Variants in ZDHHC11B observed in about 807,000 individuals in gnomAD.
ZDHHC11B encodes the protein zDHHC palmitoyltransferase 11B (putative).
Under a neutral mutation model 42.3 loss-of-function variants are expected in ZDHHC11B, and 17 were observed. The observed-to-expected ratio is 0.40, with a 90% CI of 0.27 to 0.60. The LOEUF is 0.60. Among genes scored for constraint, ZDHHC11B ranks in the 20% least tolerant of loss-of-function variants. The pLI, the probability that ZDHHC11B is intolerant of heterozygous loss-of-function variation, is 0.41. For synonymous variants in ZDHHC11B, 123 were observed against 193.5 expected, an observed-to-expected ratio of 0.64 and a Z score of 3.02; for missense variants, 262 against 463.2, an observed-to-expected ratio of 0.57 and a Z score of 3.99.
Position 724,228 on chromosome 5 carries a change from C to T in ZDHHC11B, c.1058+6206G>A, listed in dbSNP as rs1455939985. Among the ~76,000 whole-genome samples the T allele has an allele frequency of 4.4e-4, 65 of 148,546 alleles. 1 individual carries two copies. Among genetic ancestry groups the T allele is most frequent in the African/African-American group, 1.3e-3 (53 of 39,970 alleles). On this transcript the variant is annotated intron_variant, in intron 12 of 13. Transcript: ENST00000508859. ...TTTTATTTATTTATTTATTTTGAGA[C>T]ATAGTCTCACTCTGTCACCCAGGCT...
At chr5:742,312 T>C (rs1302862442) in intron 9 of ZDHHC11B, among the ~76,000 whole-genome samples, 3 of 146,266 alleles carry the variant, frequency 2.1e-5, no homozygotes, top group African/African-American at 7.5e-5. Context: ...CTGGGTTTTC[T>C]GTTTGTTTAT....
At chr5:743,651 A>T (rs1744415610) in intron 9 of ZDHHC11B, among the ~76,000 whole-genome samples, 1 of 149,668 alleles carries the variant, frequency 6.7e-6, no homozygotes, top group Non-Finnish European at 1.5e-5. Flanking sequence ...TTCTTTTTTC[A>T]TTAGATTATG....
chr5:770,263 C>G (rs1168408913), intron 1 of ZDHHC11B, among the ~76,000 whole-genome samples: 1 of 150,258 alleles, frequency 6.7e-6, no homozygotes, highest in African/African-American at 2.4e-5. Context: ...GGGCGTGAGG[C>G]CCCTCAGACC....
At chr5:723,435 A>G (rs1742338164) in intron 12 of ZDHHC11B, among the ~76,000 whole-genome samples, 1 of 123,520 alleles carries the variant, frequency 8.1e-6, no homozygotes. Context: ...AGATTATAGA[A>G]CCAGCAGCAT....
At chr5:732,500 T>C in intron 11 of ZDHHC11B, 1 of 335,590 alleles carries the variant, frequency 3.0e-6, no homozygotes, top group Non-Finnish European at 6.1e-6. Flanking sequence ...GGCTGGGGGC[T>C]CGATTGGTTT....
Position 760,501 on chromosome 5 carries a change from G to A in ZDHHC11B, c.223-4357C>T, listed in dbSNP as rs183177357. 2.6e-5 allele frequency among the ~76,000 whole-genome samples: 4 copies of A among 151,692 alleles called. No homozygotes were observed. In the East Asian group the frequency reaches 7.7e-4, roughly 29 times the overall value. On this transcript the variant is annotated intron_variant, in intron 4 of 13. Coordinates refer to ENST00000508859, the MANE Select transcript of ZDHHC11B (RefSeq NM_001351303.2). ...GCCAGCACCCGATTCCAGACCCCGGGCCCCAGAACTGTGAGACCAGATATG... is the reference window on the plus strand; with the variant it reads ...GCCAGCACCCGATTCCAGACCCCGGACCCCAGAACTGTGAGACCAGATATG...
chr5:724,158 T>C (rs1243640783), intron 12 of ZDHHC11B, among the ~76,000 whole-genome samples: 1 of 151,548 alleles, frequency 6.6e-6, no homozygotes, highest in African/African-American at 2.4e-5. Context: ...TCAGTTCCCC[T>C]TGGACGTCTG....
At chr5:780,519 G>C (rs467451) in intron 1 of ZDHHC11B, among the ~76,000 whole-genome samples, 19,145 of 120,324 alleles carry the variant, frequency 0.16, 104 homozygotes, top group African/African-American at 0.26. Flanking sequence ...TCTGGTTAAA[G>C]GTTAAAAACA....
At chr5:747,554 A>C (rs1268296556) in intron 8 of ZDHHC11B, 1 of 147,878 alleles carries the variant, frequency 6.8e-6, no homozygotes, top group African/African-American at 2.5e-5. Flanking sequence ...GGGTGTGTTC[A>C]TTCTGAGCTG....
rs1288800115 is a variant in ZDHHC11B, at chr5:711,663, C to G, written c.*627G>C. ...TCCTATCTCCCAGTGCTGTTTGCTCCCATTTCCCAGTACTGTGCTCCTATT... is the reference window on the plus strand; with the variant it reads ...TCCTATCTCCCAGTGCTGTTTGCTCGCATTTCCCAGTACTGTGCTCCTATT... On this transcript the variant is annotated 3_prime_UTR_variant, in exon 14 of 14. Transcript: ENST00000508859. 4.7e-5 allele frequency: 7 copies of G among 150,334 alleles called. No individual in the cohort carries two copies. The highest frequency in any genetic ancestry group is 1.0e-4 in the Non-Finnish European group (7 of 68,432). The allele number at this position is 150,334 out of a possible 1,614,324, so 9.3% of individuals were successfully genotyped here. A position where few individuals can be genotyped will look rare whatever the true frequency, so the allele number is the denominator to read the frequency against.
chr5:766,067 G>A (rs554018451), intron 4 of ZDHHC11B, among the ~76,000 whole-genome samples: 1 of 152,018 alleles, frequency 6.6e-6, no homozygotes, highest in South Asian at 2.1e-4. Context: ...GGGGGCCTGG[G>A]GTTTCTCAAC....
chr5:779,830 AAG>A (rs1382606902), intron 1 of ZDHHC11B, among the ~76,000 whole-genome samples: 5 of 151,052 alleles, frequency 3.3e-5, no homozygotes, highest in Non-Finnish European at 1.5e-5. Flanking sequence ...AAATATCATC[AAG>A]AGAGTGAAAA....
At chr5:752,981 G>A (rs542178687) in intron 6 of ZDHHC11B, among the ~76,000 whole-genome samples, 4 of 92,660 alleles carry the variant, frequency 4.3e-5, no homozygotes, top group Non-Finnish European at 9.7e-5. Flanking sequence ...ACCCATTCAC[G>A]CGGGGCCTCC....
chr5:719,458 T>A (rs1379512846), intron 12 of ZDHHC11B, among the ~76,000 whole-genome samples: 1 of 151,386 alleles, frequency 6.6e-6, no homozygotes, highest in Non-Finnish European at 1.5e-5. Flanking sequence ...CAAATTAGAT[T>A]AGTAGTAGAG....
intron 13 of ZDHHC11B, among the ~76,000 whole-genome samples, chr5:713,802 T>G (rs1741540984): frequency 6.6e-6 from 1 of 151,904 alleles, no homozygotes; most frequent in Admixed American, 6.6e-5. Context: ...AGAAGTGAGT[T>G]GCTTCTAGTT....
rs1373002578 is a variant in ZDHHC11B at position 775,221 on chromosome 5, A to C, written c.-229-6291T>G. Among the ~76,000 whole-genome samples, 9 of 152,028 alleles carry C rather than the reference A, an allele frequency of 5.9e-5. No individual in the cohort carries two copies. In the East Asian group the frequency reaches 1.7e-3, roughly 29 times the overall value. On this transcript the variant is annotated intron_variant, in intron 1 of 13. Coordinates refer to ENST00000508859, the MANE Select transcript of ZDHHC11B (RefSeq NM_001351303.2). The stretch of plus-strand genomic sequence containing the variant: ...ACCAGGCCAGGGCGTGACCTCTGAC[A>C]GCTCCACCTGCTCTGGAGAAGCCAC...
Position 784,727 on chromosome 5 carries a change from T to A in ZDHHC11B, c.-289A>T, listed in dbSNP as rs1394334348. On this transcript the variant is annotated 5_prime_UTR_variant, in exon 1 of 14. Coordinates refer to ENST00000508859, the MANE Select transcript of ZDHHC11B (RefSeq NM_001351303.2). ...CGCGACCCGGCCGCGCGCGACCAAG[T>A]GCTCAGCGCAGCGCTCCCCCTGCCG... Among the ~76,000 whole-genome samples, 6 of 147,906 alleles carry A rather than the reference T, an allele frequency of 4.1e-5. No homozygotes were observed. The East Asian group carries it at 9.8e-4, about 24-fold the overall frequency.
chr5:729,436 G>A (rs1172295205), intron 12 of ZDHHC11B, among the ~76,000 whole-genome samples: 43 of 150,674 alleles, frequency 2.9e-4, no homozygotes, highest in African/African-American at 8.7e-4. Context: ...CTGTGGGGCC[G>A]GCTGGGACTC....
Position 710,748 on chromosome 5 carries a change from T to TGA in ZDHHC11B, c.*1541_*1542insTC, listed in dbSNP as rs1164859311. On this transcript the variant is annotated 3_prime_UTR_variant, in exon 14 of 14. Transcript: ENST00000508859. ...ACTGTGCTCCCATTTCCCAATGCTA[T>TGA]GCTCCATTTCCCAGTGCTGTGAGCT... 6 of 153,032 alleles carry TGA rather than the reference T, an allele frequency of 3.9e-5. No individual in the cohort carries two copies. The allele number at this position is 153,032 out of a possible 1,614,324, so 9.5% of individuals were successfully genotyped here.
Sources: allele counts gnomAD v4.1 joint callset (sites outside exome capture counted in the v4.1 genomes callset), GRCh38; gene constraint gnomAD v4.1.1; transcripts MANE v1.5; gene names NCBI Gene and HGNC (gene_info 2026-07-23, HGNC 2026-07-21).